APBB2: variants seen among roughly 807,000 people sequenced by gnomAD.
APBB2 encodes Fe65-like 1.
In APBB2, 38 loss-of-function variants were observed where a neutral mutation model predicts 82.5. The ratio of observed to expected loss-of-function variants is 0.46; its 90% CI spans 0.36 to 0.60. The LOEUF (loss-of-function observed/expected upper bound fraction) is 0.60, where lower values mean the gene tolerates loss of function less well. Among genes scored for constraint, APBB2 ranks in the 20% least tolerant of loss-of-function variants. The probability of loss-of-function intolerance (pLI) is 0.00; values close to 1 mark genes in which losing one functional copy is unlikely to be tolerated. For synonymous variants in APBB2, 341 were observed against 368.2 expected, an observed-to-expected ratio of 0.93 and a Z score of 0.85; for missense variants, 772 against 972.3, an observed-to-expected ratio of 0.79 and a Z score of 2.74.
At chr4:40,898,690 T>C (rs1774387490) in intron 10 of APBB2, among the ~76,000 whole-genome samples, 1 of 151,962 alleles carries the variant, frequency 6.6e-6, no homozygotes, top group Admixed American at 6.6e-5. Flanking sequence ...TACATACGAA[T>C]ATATGATCTG....
At chr4:40,892,158 C>T (rs1488594912) in intron 11 of APBB2, among the ~76,000 whole-genome samples, 3 of 152,044 alleles carry the variant, frequency 2.0e-5, no homozygotes, top group Non-Finnish European at 4.4e-5. Context: ...ACCATGTTGG[C>T]CAGGCTGGTC....
At chr4:40,937,771 A>G (rs544392249) in intron 7 of APBB2, among the ~76,000 whole-genome samples, 1 of 152,374 alleles carries the variant, frequency 6.6e-6, no homozygotes, top group African/African-American at 2.4e-5. Context: ...ATTAAAGTCA[A>G]TGAAAGACAA....
At chr4:40,861,489 T>C (rs1204161308) in intron 12 of APBB2, among the ~76,000 whole-genome samples, 1 of 152,210 alleles carries the variant, frequency 6.6e-6, no homozygotes, top group African/African-American at 2.4e-5. Context: ...ATCTTGCCAC[T>C]GCACTCCAGC....
intron 1 of APBB2, among the ~76,000 whole-genome samples, chr4:41,168,214 AGCCG>A (rs2154050958): frequency 1.9e-5 from 1 of 52,478 alleles, no homozygotes; most frequent in East Asian, 4.0e-4. Flanking sequence ...GCCTGCAGTG[AGCCG>A]AAGCCTGCAG....
At chr4:41,132,144 A>T (rs550405191) in intron 2 of APBB2, among the ~76,000 whole-genome samples, 1 of 152,286 alleles carries the variant, frequency 6.6e-6, no homozygotes, top group South Asian at 2.1e-4. Context: ...TCTCCAGACT[A>T]CCATTATCTA....
chr4:40,971,226 AG>A (rs1795854227), intron 6 of APBB2, among the ~76,000 whole-genome samples: 1 of 152,236 alleles, frequency 6.6e-6, no homozygotes, highest in Non-Finnish European at 1.5e-5. Flanking sequence ...TCTAGGAGGA[AG>A]AAAAAAAATT....
intron 3 of APBB2, among the ~76,000 whole-genome samples, chr4:41,083,284 AAT>A (rs1738345968): frequency 6.6e-6 from 1 of 152,232 alleles, no homozygotes; most frequent in Non-Finnish European, 1.5e-5. Flanking sequence ...AACAGATAAA[AAT>A]ATGTACACAT....
At chr4:41,043,813 C>T (rs1349164878) in intron 4 of APBB2, among the ~76,000 whole-genome samples, 4 of 152,136 alleles carry the variant, frequency 2.6e-5, no homozygotes, top group East Asian at 1.9e-4. Context: ...TAATCTACAT[C>T]GCCTCTATCC....
intron 1 of APBB2, among the ~76,000 whole-genome samples, chr4:41,160,009 A>G (rs955260737): frequency 6.0e-5 from 9 of 149,800 alleles, no homozygotes; most frequent in African/African-American, 2.3e-4. Flanking sequence ...GAAGAAGAAG[A>G]AGAAGAAGAA....
intron 3 of APBB2, among the ~76,000 whole-genome samples, chr4:41,081,067 C>T (rs141750483): frequency 2.0e-5 from 3 of 152,318 alleles, no homozygotes; most frequent in African/African-American, 7.2e-5. Flanking sequence ...CATTCTTCTA[C>T]GTAGTCAGTT....
intron 6 of APBB2, among the ~76,000 whole-genome samples, chr4:40,981,887 G>A (rs1440113481): frequency 9.2e-5 from 14 of 151,856 alleles, no homozygotes; most frequent in Admixed American, 1.3e-4. Context: ...TTTCTCGAGC[G>A]TAAGAATTTG....
chr4:40,883,193 C>T (rs899698918), intron 12 of APBB2, among the ~76,000 whole-genome samples: 4 of 151,642 alleles, frequency 2.6e-5, no homozygotes, highest in African/African-American at 7.3e-5. Flanking sequence ...AGCAGCCTGC[C>T]CTATACCCTT....
intron 1 of APBB2, among the ~76,000 whole-genome samples, chr4:41,182,992 C>G (rs1384528349): frequency 6.6e-6 from 1 of 152,208 alleles, no homozygotes; most frequent in Non-Finnish European, 1.5e-5. Context: ...AGTCCTAAAT[C>G]AAACTCCTAA....
At chr4:40,836,861 C>T (rs2154308039) in intron 12 of APBB2, among the ~76,000 whole-genome samples, 1 of 152,272 alleles carries the variant, frequency 6.6e-6, no homozygotes, top group South Asian at 2.1e-4. Context: ...TACTCTTCTC[C>T]TTCTGGAACT....
At position 41,063,710 on chromosome 4, in the gene APBB2, G is replaced by A. The variant is rs188668765; in HGVS notation, c.-51+1866C>T. Among the ~76,000 whole-genome samples the A allele has an allele frequency of 2.8e-3, 425 of 152,060 alleles. 2 individuals are homozygous for A. The highest frequency in any genetic ancestry group is 9.6e-3 in the African/African-American group (399 of 41,486). On this transcript the variant is annotated intron_variant, in intron 4 of 17. Coordinates refer to ENST00000508593, the MANE Select transcript of APBB2 (RefSeq NM_004307.2). ...TTTTCTTTTTTTGAAACAGAGTCTC[G>A]CTCTGTCACCCACGCCGGAATGCAG... is the stretch of plus-strand genomic sequence containing the variant.
chr4:41,177,682 T>C (rs902685131), intron 1 of APBB2: 1 of 152,188 alleles, frequency 6.6e-6, no homozygotes, highest in African/African-American at 2.4e-5. Flanking sequence ...GAAGTTTCAG[T>C]TTCCCTGTCT....
At chr4:41,163,942 A>G (rs912147110) in intron 1 of APBB2, among the ~76,000 whole-genome samples, 2 of 152,244 alleles carry the variant, frequency 1.3e-5, no homozygotes, top group African/African-American at 4.8e-5. Context: ...CTAACGTTTC[A>G]AAAACAAGGA....
chr4:40,977,118 C>T (rs1334489880), intron 6 of APBB2, among the ~76,000 whole-genome samples: 5 of 152,084 alleles, frequency 3.3e-5, no homozygotes, highest in African/African-American at 4.8e-5. Context: ...AATGCACTGT[C>T]CATCTTCTTC....
At chr4:41,058,392 CTT>C (rs1337324743) in intron 4 of APBB2, among the ~76,000 whole-genome samples, 1 of 151,810 alleles carries the variant, frequency 6.6e-6, no homozygotes, top group Non-Finnish European at 1.5e-5. Flanking sequence ...TAGAAGTAAC[CTT>C]TCTTTACTAG....
Sources: gnomAD v4.1 joint callset for allele counts (sites outside exome capture counted in the v4.1 genomes callset) on GRCh38, gnomAD v4.1.1 for gene constraint, MANE v1.5 for transcripts, NCBI Gene and HGNC (gene_info 2026-07-23, HGNC 2026-07-21) for gene names.